IL16: variants seen among roughly 807,000 people sequenced by gnomAD.
IL16 encodes the protein interleukin 16.
IL16 carries 67 observed loss-of-function variants against 110.1 expected under a neutral mutation model. The ratio of observed to expected loss-of-function variants is 0.61; its 90% CI spans 0.50 to 0.75. The LOEUF is 0.75. IL16 is among the 30% of genes least tolerant of loss of function. The pLI is 0.00. For synonymous variants in IL16, 689 were observed against 662.9 expected (o/e 1.04, Z -0.61); for missense variants, 1,545 against 1,655.0 (o/e 0.93, Z 1.15).
Position 81,265,820 on chromosome 15 carries a change from A to G in IL16, c.564+19A>G. The G allele has an allele frequency of 1.2e-6, 2 of 1,602,396 alleles. No individual in the cohort carries two copies. Among genetic ancestry groups the G allele is most frequent in the South Asian group, 2.2e-5 (2 of 89,262 alleles). On this transcript the variant is annotated intron_variant, in intron 4 of 18. Coordinates refer to ENST00000683961, the MANE Select transcript of IL16 (RefSeq NM_172217.5). ...GGCTGCGGTAAGAATGGAAGGAGGG[A>G]AACTCAGAGAAGAGTTTCTCCCGGG...
chr15:81,247,858 T>G (rs1207141161), intron 2 of IL16, among the ~76,000 whole-genome samples: 1 of 152,210 alleles, frequency 6.6e-6, no homozygotes, highest in East Asian at 1.9e-4. Context: ...AATTGTGGTG[T>G]TGTCAGAAAG....
chr15:81,225,631 G>T lies in IL16; in HGVS notation c.232G>T (p.Ala78Ser). Reference sequence around the variant, plus strand: ...TGGGCCCAGCAGTGTTCCTGATCTAGCACTGGCCTCGGAGGCTGCTCAACT... The same window carrying T: ...TGGGCCCAGCAGTGTTCCTGATCTATCACTGGCCTCGGAGGCTGCTCAACT... ...EAGPSSVPDL[A>S]LASEAAQLQA... The change falls in exon 2 of 19, where the codon GCA (alanine) becomes TCA (serine). Residue 78 changes from alanine to serine, a missense_variant. Around this residue, in one of 3 missense-constraint regions of IL16, gnomAD observed 1,185 missense variants for 1,238.8 expected, o/e 0.96. Coordinates refer to ENST00000683961, the MANE Select transcript of IL16 (RefSeq NM_172217.5). The T allele has an allele frequency of 6.2e-7, 1 of 1,614,096 alleles. No individual in the cohort carries two copies. Among genetic ancestry groups the T allele is most frequent in the Non-Finnish European group, 8.5e-7 (1 of 1,180,010 alleles).
At chr15:81,209,731 C>A (rs763395332) in intron 1 of IL16, among the ~76,000 whole-genome samples, 1 of 152,162 alleles carries the variant, frequency 6.6e-6, no homozygotes, top group Non-Finnish European at 1.5e-5. Context: ...TCCCTTCTCA[C>A]GGGGACACTC....
At position 81,186,409 on chromosome 15, in the gene IL16, GTA is replaced by G. The variant is rs371633543; in HGVS notation, c.40+3514_40+3515del. 4.9e-4 allele frequency among the ~76,000 whole-genome samples: 75 copies of G among 152,258 alleles called. 4 individuals carry two copies. In the East Asian group the frequency reaches 8.9e-3, roughly 18 times the overall value. ...GCGGGTCTATTCCATCCTAAAGCCT[GTA>G]CTCTTAGTAAGCAGTATGCAGCTGA... On this transcript the variant is annotated intron_variant, in intron 1 of 18. Coordinates refer to the IL16 transcript ENST00000302987.
chr15:81,188,366 C>T (rs1032910342), intron 1 of IL16: 1 of 456,172 alleles, frequency 2.2e-6, no homozygotes, highest in African/African-American at 2.0e-5. Context: ...GTGTGTGGAG[C>T]ACTGCGGGCG....
Position 81,232,042 on chromosome 15 carries a change from G to GTTTTTTTTTTTTTTTTTTTTTT in IL16, c.312+6334_312+6355dup. The stretch of plus-strand genomic sequence containing the variant: ...ATGTAAGTCCTCCACATTTGTTCTT[G>GTTTTTTTTTTTTTTTTTTTTTT]TTTTTTTTTTTTTTTTTTTTTTTTC... On this transcript the variant is annotated intron_variant, in intron 2 of 18. Coordinates refer to ENST00000683961, the MANE Select transcript of IL16 (RefSeq NM_172217.5). Among the ~76,000 whole-genome samples the GTTTTTTTTTTTTTTTTTTTTTT allele has an allele frequency of 1.6e-4, 9 of 57,696 alleles. 1 individual carries two copies. Among genetic ancestry groups the GTTTTTTTTTTTTTTTTTTTTTT allele is most frequent in the East Asian group, 9.8e-4 (2 of 2,036 alleles). The allele number at this position is 57,696 out of a possible 152,430, so 37.9% of individuals were successfully genotyped here. A position where few individuals can be genotyped will look rare whatever the true frequency, so the allele number is the denominator to read the frequency against.
At chr15:81,298,063 T>G (rs1459491084) in intron 13 of IL16, among the ~76,000 whole-genome samples, 1 of 152,218 alleles carries the variant, frequency 6.6e-6, no homozygotes, top group Non-Finnish European at 1.5e-5. Flanking sequence ...AGTGTTTAAC[T>G]GACAGGAGGT....
Position 81,225,340 on chromosome 15 carries a change from C to G in IL16, c.-60C>G, listed in dbSNP as rs200683061. ...AGCTAAGCCCTGTCCAGTGGCCACC[C>G]GTCAGCCAAGGGCCAGAGACCAGGA... On this transcript the variant is annotated 5_prime_UTR_variant, in exon 2 of 19. Transcript: ENST00000683961. 1 of 1,582,098 alleles carries G rather than the reference C, an allele frequency of 6.3e-7. No homozygotes were observed. Among genetic ancestry groups the G allele is most frequent in the Non-Finnish European group, 8.6e-7 (1 of 1,167,478 alleles).
Position 81,300,291 on chromosome 15 carries a change from T to G in IL16, c.2965T>G (p.Ser989Ala), listed in dbSNP as rs761771592. Residue 989 changes from serine (S) to alanine (A), a missense_variant, in exon 14 of 19, where the codon TCT becomes GCT. By Grantham distance (99) the Ser-to-Ala change is moderately conservative. Coordinates refer to ENST00000683961, the MANE Select transcript of IL16 (RefSeq NM_172217.5). ...TGACGAAAAGACCAGCAAACTCTATTCTATCAGCAGCCAAGTGTCATCGGC... is the reference window on the plus strand; with the variant it reads ...TGACGAAAAGACCAGCAAACTCTATGCTATCAGCAGCCAAGTGTCATCGGC... ...LLDEKTSKLY[S>A]ISSQVSSAVM... 6.2e-7 allele frequency: 1 copy of G among 1,614,134 alleles called. No individual in the cohort carries two copies. The highest frequency in any genetic ancestry group is 1.1e-5 in the South Asian group (1 of 91,086).
intron 1 of IL16, among the ~76,000 whole-genome samples, chr15:81,184,062 A>C (rs903143180): frequency 1.3e-5 from 2 of 152,218 alleles, no homozygotes; most frequent in Non-Finnish European, 2.9e-5. Flanking sequence ...GGCCCAAAGT[A>C]GCCCTGGCTC....
upstream of IL16, among the ~76,000 whole-genome samples, chr15:81,196,129 A>C (rs1895591480): frequency 6.6e-6 from 1 of 152,230 alleles, no homozygotes; most frequent in Non-Finnish European, 1.5e-5. Context: ...AGCTGGCTTG[A>C]GGACCACTGA....
Position 81,227,977 on chromosome 15 carries a change from C to G in IL16, c.312+2266C>G, listed in dbSNP as rs369847292. 1.1e-4 allele frequency among the ~76,000 whole-genome samples: 17 copies of G among 152,108 alleles called. No individual in the cohort carries two copies. In the East Asian group the frequency reaches 1.7e-3, roughly 16 times the overall value. ...TAGTAGGGGAAGGAGGTGCCCTGTC[C>G]CAACATGCAAAACAGGAGGGGCTGG... On this transcript the variant is annotated intron_variant, in intron 2 of 18. Coordinates refer to ENST00000683961, the MANE Select transcript of IL16 (RefSeq NM_172217.5).
intron 2 of IL16, among the ~76,000 whole-genome samples, chr15:81,236,293 A>G (rs8034716): frequency 0.054 from 8,202 of 152,246 alleles, 796 homozygotes; most frequent in African/African-American, 0.19. Flanking sequence ...GGGAAACCCA[A>G]TCTTTTGGCT....
chr15:81,206,946 C>T (rs2141975838), intron 1 of IL16, among the ~76,000 whole-genome samples: 1 of 152,186 alleles, frequency 6.6e-6, no homozygotes, highest in East Asian at 1.9e-4. Flanking sequence ...AAGAAATTTA[C>T]ATCCAGGCCA....
At chr15:81,278,423 G>T (rs998441749) in intron 6 of IL16, among the ~76,000 whole-genome samples, 3 of 152,234 alleles carry the variant, frequency 2.0e-5, no homozygotes, top group African/African-American at 7.2e-5. Flanking sequence ...TGAGAAAATG[G>T]CATGGACAAG....
chr15:81,245,878 C>G (rs955327960), intron 2 of IL16, among the ~76,000 whole-genome samples: 4 of 151,762 alleles, frequency 2.6e-5, no homozygotes, highest in African/African-American at 9.7e-5. Context: ...CTTCTTGCTA[C>G]CTTTCAGAGT....
chr15:81,252,944 C>G (rs552524466), intron 2 of IL16, among the ~76,000 whole-genome samples: 2 of 152,144 alleles, frequency 1.3e-5, no homozygotes, highest in Non-Finnish European at 2.9e-5. Flanking sequence ...CTTTTTTGTA[C>G]AAGTTTTTGT....
At chr15:81,278,300 A>T (rs991047751) in intron 6 of IL16, among the ~76,000 whole-genome samples, 3 of 152,178 alleles carry the variant, frequency 2.0e-5, no homozygotes, top group Admixed American at 6.5e-5. Flanking sequence ...ATCACCACCC[A>T]GGGTGACAAG....
chr15:81,273,059 C>A (rs779832962), intron 5 of IL16, 31 bp from the exon 6 acceptor site: 2 of 1,555,204 alleles, frequency 1.3e-6, no homozygotes, highest in Non-Finnish European at 1.8e-6. Context: ...GAATACTACC[C>A]CTAAATCAGA....
Sources: allele counts gnomAD v4.1 joint callset (sites outside exome capture counted in the v4.1 genomes callset), GRCh38; gene constraint gnomAD v4.1.1; regional missense constraint gnomAD v4.1.1; transcripts MANE v1.5; gene names NCBI Gene and HGNC (gene_info 2026-07-23, HGNC 2026-07-21).